RIPOR3: variants seen among roughly 807,000 people sequenced by gnomAD.
The protein encoded by RIPOR3 is family with sequence similarity 65 member C.
RIPOR3 carries 95 observed loss-of-function variants against 114.3 expected under a neutral mutation model. That is an observed-to-expected ratio of 0.83 (90% CI 0.70 to 0.99). The LOEUF is 0.99. Among genes scored for constraint, RIPOR3 ranks in the 50% least tolerant of loss-of-function variants. The pLI is 0.00. For missense variants in RIPOR3, 1,252 were observed against 1,266.9 expected (o/e 0.99, Z 0.18); for synonymous variants, 575 against 543.8 (o/e 1.06, Z -0.80).
intron 1 of RIPOR3, among the ~76,000 whole-genome samples, chr20:50,646,607 A>G (rs1015542413): frequency 6.6e-6 from 1 of 151,998 alleles, no homozygotes; most frequent in African/African-American, 2.4e-5. Flanking sequence ...AGGTATTGCA[A>G]CCCTGCTCTA....
At chr20:50,686,682 C>T (rs1346252744) in intron 1 of RIPOR3, among the ~76,000 whole-genome samples, 5 of 150,288 alleles carry the variant, frequency 3.3e-5, no homozygotes, top group Non-Finnish European at 5.9e-5. Context: ...ACCCAGGAGG[C>T]GGAGGTTGCA....
At chr20:50,628,156 C>T (rs1398365209) in intron 2 of RIPOR3, among the ~76,000 whole-genome samples, 2 of 152,216 alleles carry the variant, frequency 1.3e-5, no homozygotes, top group African/African-American at 2.4e-5. Flanking sequence ...ACTTAACCCC[C>T]TCTTTGCAGC....
intron 8 of RIPOR3, 121 bp from the exon 9 acceptor site, chr20:50,609,076 G>T: frequency 7.2e-7 from 1 of 1,389,466 alleles, no homozygotes; most frequent in Non-Finnish European, 9.9e-7. Flanking sequence ...GAGGATGGGG[G>T]GGAGGTACAC....
At chr20:50,652,040 TCCTCAAGA>T (rs2123403651) in intron 1 of RIPOR3, among the ~76,000 whole-genome samples, 1 of 152,370 alleles carries the variant, frequency 6.6e-6, no homozygotes, top group East Asian at 1.9e-4. Flanking sequence ...TGGAGCTCCC[TCCTCAAGA>T]CTTCCTTTGC....
intron 1 of RIPOR3, among the ~76,000 whole-genome samples, chr20:50,646,621 G>C (rs1259529253): frequency 6.6e-6 from 1 of 152,160 alleles, no homozygotes; most frequent in Non-Finnish European, 1.5e-5. Context: ...TGCTCTACCA[G>C]CCACTATAAA....
At chr20:50,599,453 A>G (rs549426562) in intron 13 of RIPOR3, among the ~76,000 whole-genome samples, 3 of 152,200 alleles carry the variant, frequency 2.0e-5, no homozygotes, top group African/African-American at 7.2e-5. Context: ...AACAGCCAGC[A>G]TCGCTACAAC....
rs188823105 is a variant in RIPOR3, at chr20:50,663,904, T to C, written c.3+27222A>G. Reference sequence around the variant, plus strand: ...GTATCTAATACTTGAATACCTAATATATTACTTTCTCTCTCTCTCTCTTTT... The same window carrying C: ...GTATCTAATACTTGAATACCTAATACATTACTTTCTCTCTCTCTCTCTTTT... On this transcript the variant is annotated intron_variant, in intron 1 of 21. Coordinates refer to ENST00000327979, the MANE Select transcript of RIPOR3 (RefSeq NM_001290268.2). 9.2e-4 allele frequency among the ~76,000 whole-genome samples: 137 copies of C among 149,050 alleles called. 1 individual carries two copies. The highest frequency in any genetic ancestry group is 2.4e-3 in the Admixed American group (34 of 14,230).
intron 4 of RIPOR3, among the ~76,000 whole-genome samples, chr20:50,613,551 C>G (rs1349255754): frequency 1.3e-5 from 2 of 152,112 alleles, no homozygotes; most frequent in African/African-American, 4.8e-5. Context: ...TCTCAAAAAC[C>G]AACATCTTGT....
chr20:50,609,090 C>A, intron 8 of RIPOR3, 135 bp from the exon 9 acceptor site: 1 of 1,358,286 alleles, frequency 7.4e-7, no homozygotes, highest in Middle Eastern at 1.9e-4. Flanking sequence ...GGTACACCAT[C>A]ATGATGGAAA....
At chr20:50,676,602 TG>T (rs985843314) in intron 1 of RIPOR3, among the ~76,000 whole-genome samples, 2 of 151,940 alleles carry the variant, frequency 1.3e-5, no homozygotes, top group Non-Finnish European at 2.9e-5. Flanking sequence ...CAGTGAGCCG[TG>T]ATCATGCCAC....
chr20:50,587,739 C>T (rs900445699), intron 21 of RIPOR3, 63 bp downstream of exon 21: 11 of 1,518,516 alleles, frequency 7.2e-6, no homozygotes, highest in Non-Finnish European at 1.0e-5. Context: ...TGGGTGTGGC[C>T]TCTCGCAGAT....
intron 1 of RIPOR3, among the ~76,000 whole-genome samples, chr20:50,687,021 T>G (rs2087051502): frequency 6.6e-6 from 1 of 152,184 alleles, no homozygotes; most frequent in African/African-American, 2.4e-5. Context: ...GAACTTTTCC[T>G]ATAGGTTTGG....
intron 1 of RIPOR3, among the ~76,000 whole-genome samples, chr20:50,650,979 G>A (rs1369570936): frequency 2.0e-5 from 3 of 147,398 alleles, no homozygotes; most frequent in African/African-American, 7.5e-5. Flanking sequence ...TTTGTTTTTT[G>A]TTTTTTTTTT....
intron 19 of RIPOR3, among the ~76,000 whole-genome samples, chr20:50,592,115 A>G (rs2083125972): frequency 6.6e-6 from 1 of 152,176 alleles, no homozygotes; most frequent in Non-Finnish European, 1.5e-5. Flanking sequence ...GCACTAAGAA[A>G]AACATTCAGC....
chr20:50,599,486 T>TA (rs1243502338), intron 13 of RIPOR3, among the ~76,000 whole-genome samples: 2 of 152,210 alleles, frequency 1.3e-5, no homozygotes, highest in African/African-American at 4.8e-5. Flanking sequence ...GAAGCTCATC[T>TA]AACACACATT....
intron 1 of RIPOR3, among the ~76,000 whole-genome samples, chr20:50,642,016 T>A (rs1248207153): frequency 1.3e-5 from 2 of 152,298 alleles, no homozygotes; most frequent in Non-Finnish European, 2.9e-5. Flanking sequence ...CACCCCCTTC[T>A]GCTTCCGCAG....
chr20:50,631,855 T>C (rs1240071356), intron 1 of RIPOR3, among the ~76,000 whole-genome samples: 1 of 152,198 alleles, frequency 6.6e-6, no homozygotes, highest in East Asian at 1.9e-4. Flanking sequence ...CTGCTTCATA[T>C]CTAACCTAAA....
intron 1 of RIPOR3, among the ~76,000 whole-genome samples, chr20:50,637,834 C>T (rs1307904365): frequency 1.3e-5 from 2 of 151,976 alleles, no homozygotes; most frequent in Non-Finnish European, 2.9e-5. Flanking sequence ...GAGATCACAC[C>T]GTTGCACTCC....
chr20:50,687,049 C>A (rs979072859), intron 1 of RIPOR3, among the ~76,000 whole-genome samples: 1 of 152,238 alleles, frequency 6.6e-6, no homozygotes, highest in Non-Finnish European at 1.5e-5. Flanking sequence ...GTTCCTCTGA[C>A]TTGTTCCAAG....
Sources: gnomAD v4.1 joint callset for allele counts (sites outside exome capture counted in the v4.1 genomes callset) on GRCh38, gnomAD v4.1.1 for gene constraint, MANE v1.5 for transcripts, NCBI Gene and HGNC (gene_info 2026-07-23, HGNC 2026-07-21) for gene names.